Variants in PPP2CB observed in about 807,000 individuals in gnomAD.
PPP2CB encodes protein phosphatase 2 catalytic subunit beta.
PPP2CB carries 18 observed loss-of-function variants against 39.1 expected under a neutral mutation model. The observed-to-expected ratio is 0.46, with a 90% CI of 0.32 to 0.68. The LOEUF (loss-of-function observed/expected upper bound fraction) is 0.68. Among genes scored for constraint, PPP2CB ranks in the 30% least tolerant of loss-of-function variants. The probability of loss-of-function intolerance (pLI) is 0.04; values close to 1 mark genes in which losing one functional copy is unlikely to be tolerated. For synonymous variants in PPP2CB, 129 were observed against 133.8 expected, an observed-to-expected ratio of 0.96 and a Z score of 0.25; for missense variants, 226 against 396.9, an observed-to-expected ratio of 0.57 and a Z score of 3.66.
intron 3 of PPP2CB, among the ~76,000 whole-genome samples, 200 bp downstream of exon 3, chr8:30,797,378 GAAC>G (rs1199578752): frequency 6.6e-6 from 1 of 152,094 alleles, no homozygotes; most frequent in Non-Finnish European, 1.5e-5. Context: ...ACATATCTGA[GAAC>G]AACAGGAAAA....
chr8:30,800,349 G>A (rs954435648), intron 1 of PPP2CB, among the ~76,000 whole-genome samples: 2 of 152,132 alleles, frequency 1.3e-5, no homozygotes, highest in Non-Finnish European at 2.9e-5. Flanking sequence ...AATCTTCAAG[G>A]CAGAAGGTCT....
At chr8:30,786,342 C>A (rs758941565) in intron 6 of PPP2CB, 35 bp from the exon 7 acceptor site, 2 of 1,501,272 alleles carry the variant, frequency 1.3e-6, no homozygotes, top group Non-Finnish European at 1.8e-6. Context: ...AATAAAGGAT[C>A]TGACTTTGCA....
At chr8:30,811,421 A>C (rs1379317188) in intron 1 of PPP2CB, among the ~76,000 whole-genome samples, 1 of 152,092 alleles carries the variant, frequency 6.6e-6, no homozygotes, top group Non-Finnish European at 1.5e-5. Flanking sequence ...TTTCCACCAA[A>C]GTCAACCTCT....
At chr8:30,803,171 T>A (rs1806654769) in intron 1 of PPP2CB, among the ~76,000 whole-genome samples, 1 of 152,182 alleles carries the variant, frequency 6.6e-6, no homozygotes, top group African/African-American at 2.4e-5. Context: ...GATTATCTCT[T>A]GTATCTCACT....
intron 1 of PPP2CB, among the ~76,000 whole-genome samples, chr8:30,804,116 C>T (rs1334678940): frequency 6.6e-6 from 1 of 152,174 alleles, no homozygotes; most frequent in East Asian, 1.9e-4. Flanking sequence ...CCACTGTGCC[C>T]AGTTGACAAA....
chr8:30,789,456 T>A (rs1294715933), intron 6 of PPP2CB, among the ~76,000 whole-genome samples: 1 of 152,208 alleles, frequency 6.6e-6, no homozygotes, highest in Non-Finnish European at 1.5e-5. Context: ...AAGCTCACCC[T>A]AATGGCCACC....
At chr8:30,812,188 G>A (rs908696968) in intron 1 of PPP2CB, 132 bp downstream of exon 1, 3 of 517,432 alleles carry the variant, frequency 5.8e-6, no homozygotes, top group East Asian at 1.0e-4. Context: ...GTGGACGCCG[G>A]AGCCGGACCC....
chr8:30,789,190 C>T (rs941929556), intron 6 of PPP2CB, among the ~76,000 whole-genome samples: 2 of 152,144 alleles, frequency 1.3e-5, no homozygotes, highest in African/African-American at 4.8e-5. Flanking sequence ...GCCACCACAC[C>T]CAACTAATTT....
At chr8:30,808,341 C>T (rs1034824366) in intron 1 of PPP2CB, among the ~76,000 whole-genome samples, 1 of 151,950 alleles carries the variant, frequency 6.6e-6, no homozygotes, top group Non-Finnish European at 1.5e-5. Flanking sequence ...TCAGACAATC[C>T]GCCCACCTCG....
chr8:30,810,996 C>T (rs746333212), intron 1 of PPP2CB, among the ~76,000 whole-genome samples: 1 of 152,132 alleles, frequency 6.6e-6, no homozygotes, highest in Non-Finnish European at 1.5e-5. Flanking sequence ...AAAATAACAT[C>T]GTTACTTCTT....
intron 3 of PPP2CB, among the ~76,000 whole-genome samples, chr8:30,795,544 G>C (rs1238479545): frequency 6.6e-6 from 1 of 152,016 alleles, no homozygotes; most frequent in Non-Finnish European, 1.5e-5. Context: ...AATGACTTTG[G>C]TCTGATTTTA....
chr8:30,808,347 C>T (rs1586128683), intron 1 of PPP2CB, among the ~76,000 whole-genome samples: 1 of 152,066 alleles, frequency 6.6e-6, no homozygotes. Context: ...AATCCGCCCA[C>T]CTCGACCTCC....
At chr8:30,789,039 G>A (rs1411168091) in intron 6 of PPP2CB, among the ~76,000 whole-genome samples, 1 of 150,412 alleles carries the variant, frequency 6.6e-6, no homozygotes, top group African/African-American at 2.4e-5. Context: ...GCCCTGCTCG[G>A]ATGTTTTTAC....
At chr8:30,803,284 T>C (rs989273481) in intron 1 of PPP2CB, among the ~76,000 whole-genome samples, 1 of 152,138 alleles carries the variant, frequency 6.6e-6, no homozygotes, top group African/African-American at 2.4e-5. Flanking sequence ...GGCTCACACC[T>C]GTAATCCCAG....
rs552744741 is a variant in PPP2CB, at chr8:30,811,219, T to C, written c.102+1101A>G. Among the ~76,000 whole-genome samples, 3 of 152,352 alleles carry C rather than the reference T, an allele frequency of 2.0e-5. No individual in the cohort carries two copies. In the South Asian group the frequency reaches 6.2e-4, roughly 32 times the overall value. On this transcript the variant is annotated intron_variant, in intron 1 of 6. Transcript: ENST00000221138. Reference sequence around the variant, plus strand: ...AACTGATCACCCGCATGTTTTATTATTCTTTGGAAAAAAACTTTATATATA... The same window carrying C: ...AACTGATCACCCGCATGTTTTATTACTCTTTGGAAAAAAACTTTATATATA...
intron 1 of PPP2CB, among the ~76,000 whole-genome samples, chr8:30,804,059 G>C (rs1326884203): frequency 6.6e-6 from 1 of 152,076 alleles, no homozygotes; most frequent in Non-Finnish European, 1.5e-5. Flanking sequence ...CTGACCTCGT[G>C]ATCCGCCCGC....
chr8:30,811,913 C>A (rs1464153836), intron 1 of PPP2CB, among the ~76,000 whole-genome samples: 1 of 152,224 alleles, frequency 6.6e-6, no homozygotes, highest in African/African-American at 2.4e-5. Flanking sequence ...TTTTCAGAAA[C>A]TGGTCTGAAA....
intron 1 of PPP2CB, among the ~76,000 whole-genome samples, chr8:30,807,216 G>A (rs1187591331): frequency 2.0e-5 from 3 of 152,122 alleles, no homozygotes; most frequent in African/African-American, 7.2e-5. Context: ...ATTTTTGTTC[G>A]AGGGAAATTA....
chr8:30,788,738 A>C (rs1380966982), intron 6 of PPP2CB, among the ~76,000 whole-genome samples: 1 of 152,232 alleles, frequency 6.6e-6, no homozygotes, highest in Non-Finnish European at 1.5e-5. Flanking sequence ...GTCAGTTTAC[A>C]GTGTTGCTCA....
Sources: gnomAD v4.1 joint callset for allele counts (sites outside exome capture counted in the v4.1 genomes callset) on GRCh38, gnomAD v4.1.1 for gene constraint, MANE v1.5 for transcripts, NCBI Gene and HGNC (gene_info 2026-07-23, HGNC 2026-07-21) for gene names.